UST: variants seen among roughly 807,000 people sequenced by gnomAD.
UST encodes the protein uronyl 2-sulfotransferase.
UST carries 21 observed loss-of-function variants against 45.6 expected under a neutral mutation model. That is an observed-to-expected ratio of 0.46 (90% CI 0.33 to 0.66). The LOEUF (loss-of-function observed/expected upper bound fraction) is 0.66. Ranked by LOEUF, UST falls within the 30% of genes least tolerant of loss-of-function variation. The probability of loss-of-function intolerance (pLI) is 0.02; values close to 1 mark genes in which losing one functional copy is unlikely to be tolerated. For synonymous variants in UST, 215 were observed against 200.6 expected, an observed-to-expected ratio of 1.07 and a Z score of -0.61; for missense variants, 463 against 512.4, an observed-to-expected ratio of 0.90 and a Z score of 0.93.
At chr6:148,847,511 T>C (rs1562275861) in intron 1 of UST, among the ~76,000 whole-genome samples, 1 of 152,226 alleles carries the variant, frequency 6.6e-6, no homozygotes, top group East Asian at 1.9e-4. Context: ...ACCCAGTCAC[T>C]CCCTGTCACC....
intron 1 of UST, among the ~76,000 whole-genome samples, chr6:148,877,545 G>C (rs1778700677): frequency 8.9e-6 from 1 of 112,918 alleles, no homozygotes; most frequent in Non-Finnish European, 1.9e-5. Flanking sequence ...TCGTGTTTGA[G>C]TGCAGGGGAT....
At chr6:149,011,791 G>A (rs2115013878) in intron 5 of UST, among the ~76,000 whole-genome samples, 1 of 152,302 alleles carries the variant, frequency 6.6e-6, no homozygotes, top group African/African-American at 2.4e-5. Flanking sequence ...CAGCCTGGGC[G>A]ACAGAGCGAG....
chr6:149,001,289 G>A (rs558197931), intron 5 of UST, among the ~76,000 whole-genome samples: 9 of 152,220 alleles, frequency 5.9e-5, no homozygotes, highest in Non-Finnish European at 4.4e-5. Flanking sequence ...AGCCAGGATG[G>A]TCCTGATCTC....
chr6:148,856,869 G>A (rs891486460), intron 1 of UST, among the ~76,000 whole-genome samples: 4 of 151,718 alleles, frequency 2.6e-5, no homozygotes, highest in African/African-American at 9.7e-5. Context: ...TTTTGAGGAG[G>A]AAAATCAGAG....
intron 1 of UST, among the ~76,000 whole-genome samples, chr6:148,826,413 T>C (rs1332895676): frequency 2.7e-5 from 4 of 150,308 alleles, no homozygotes; most frequent in Non-Finnish European, 5.9e-5. Flanking sequence ...GTGCCCAGGC[T>C]CCTGTTTTTA....
chr6:149,028,381 T>C (rs1400921157), intron 7 of UST, among the ~76,000 whole-genome samples: 1 of 152,196 alleles, frequency 6.6e-6, no homozygotes, highest in African/African-American at 2.4e-5. Context: ...GTTCAGTAAT[T>C]AGCCTGCCCA....
intron 1 of UST, among the ~76,000 whole-genome samples, chr6:148,817,471 TA>T (rs1207520315): frequency 1.3e-5 from 2 of 152,200 alleles, no homozygotes; most frequent in African/African-American, 4.8e-5. Context: ...AGCTTGGTTT[TA>T]TACATTTAGG....
chr6:148,827,591 G>A (rs1331347017), intron 1 of UST, among the ~76,000 whole-genome samples: 1 of 151,436 alleles, frequency 6.6e-6, no homozygotes, highest in Admixed American at 6.6e-5. Flanking sequence ...ACTCCAGCTC[G>A]GACAACAGAG....
chr6:149,057,031 G>T (rs937924719), intron 7 of UST, among the ~76,000 whole-genome samples: 4 of 152,140 alleles, frequency 2.6e-5, no homozygotes, highest in Non-Finnish European at 5.9e-5. Flanking sequence ...CTCACCATTG[G>T]TTCACTCACT....
intron 5 of UST, among the ~76,000 whole-genome samples, chr6:148,977,055 A>G (rs925920498): frequency 3.3e-5 from 5 of 151,992 alleles, no homozygotes; most frequent in Non-Finnish European, 7.4e-5. Context: ...TAACATATCA[A>G]TGTAGTTTCT....
At chr6:149,029,472 TATA>T (rs1260601042) in intron 7 of UST, among the ~76,000 whole-genome samples, 1 of 145,576 alleles carries the variant, frequency 6.9e-6, no homozygotes, top group Non-Finnish European at 1.5e-5. Context: ...ATATTATATA[TATA>T]ATGTATATAT....
intron 1 of UST, among the ~76,000 whole-genome samples, chr6:148,820,114 C>T (rs1777428305): frequency 6.6e-6 from 1 of 152,192 alleles, no homozygotes; most frequent in South Asian, 2.1e-4. Flanking sequence ...GCCTGGCATG[C>T]AGTAGGTGCT....
At chr6:149,046,292 T>C (rs1186164841) in intron 7 of UST, among the ~76,000 whole-genome samples, 1 of 152,218 alleles carries the variant, frequency 6.6e-6, no homozygotes, top group East Asian at 1.9e-4. Flanking sequence ...ATTAGTGTTA[T>C]AAGTTGGTCC....
chr6:148,897,221 A>T (rs1582884444), intron 2 of UST, among the ~76,000 whole-genome samples: 1 of 152,168 alleles, frequency 6.6e-6, no homozygotes, highest in Non-Finnish European at 1.5e-5. Context: ...AGGCTGGAGT[A>T]TAGTGGTATG....
chr6:148,965,810 T>C (rs1410990898), intron 5 of UST, among the ~76,000 whole-genome samples: 2 of 152,068 alleles, frequency 1.3e-5, no homozygotes, highest in African/African-American at 4.8e-5. Flanking sequence ...CAGTGAAATA[T>C]TTTGATGATT....
At chr6:148,794,087 C>CACTT (rs1196288077) in intron 1 of UST, among the ~76,000 whole-genome samples, 38 of 152,344 alleles carry the variant, frequency 2.5e-4, no homozygotes, top group African/African-American at 7.9e-4. Context: ...CACACACTTA[C>CACTT]ACTTCTATAT....
chr6:148,850,697 T>C (rs994297321), intron 1 of UST, among the ~76,000 whole-genome samples: 3 of 152,162 alleles, frequency 2.0e-5, no homozygotes, highest in Admixed American at 6.5e-5. Context: ...GGTTGACATA[T>C]GGGATTACAG....
At chr6:149,064,668 A>T (rs1582983904) in intron 7 of UST, among the ~76,000 whole-genome samples, 1 of 152,192 alleles carries the variant, frequency 6.6e-6, no homozygotes, top group East Asian at 1.9e-4. Flanking sequence ...GAATTTTAGA[A>T]TCTTTAAAGC....
chr6:148,988,714 T>C (rs955878550), intron 5 of UST, among the ~76,000 whole-genome samples: 1 of 152,220 alleles, frequency 6.6e-6, no homozygotes, highest in Non-Finnish European at 1.5e-5. Flanking sequence ...AGCTGTAGAT[T>C]CCTACAACAT....
Sources: allele counts gnomAD v4.1 joint callset (sites outside exome capture counted in the v4.1 genomes callset), GRCh38; gene constraint gnomAD v4.1.1; transcripts MANE v1.5; gene names NCBI Gene and HGNC (gene_info 2026-07-23, HGNC 2026-07-21).